The following MME variants were observed in gnomAD, a reference collection of about 807,000 sequenced individuals.
MME encodes the protein neprilysin.
In MME, 98 loss-of-function variants were observed where a neutral mutation model predicts 113.2. The observed-to-expected ratio is 0.87, with a 90% confidence interval of 0.74 to 1.02. The LOEUF is 1.02. MME is among the 50% of genes least tolerant of loss of function. The pLI, the probability that MME is intolerant of heterozygous loss-of-function variation, is 0.00. For missense variants in MME, 836 were observed against 896.0 expected (o/e 0.93, Z 0.86); for synonymous variants, 292 against 300.6 (o/e 0.97, Z 0.30).
intron 9 of MME, among the ~76,000 whole-genome samples, chr3:155,138,593 A>G (rs1720819459): frequency 6.6e-6 from 1 of 152,156 alleles, no homozygotes; most frequent in Non-Finnish European, 1.5e-5. Context: ...TATGTATAGA[A>G]TATTACTTTA....
intron 3 of MME, among the ~76,000 whole-genome samples, chr3:155,105,798 G>T (rs892643959): frequency 1.3e-5 from 2 of 152,198 alleles, no homozygotes; most frequent in Non-Finnish European, 2.9e-5. Context: ...CCATCATGAA[G>T]TTGGCACTTG....
At chr3:155,059,398 G>GT (rs1714061681) in intron 1 of MME, among the ~76,000 whole-genome samples, 1 of 151,202 alleles carries the variant, frequency 6.6e-6, no homozygotes, top group Non-Finnish European at 1.5e-5. Context: ...CAAGAACATT[G>GT]TAAGTGTTCT....
At chr3:155,174,415 C>A (rs1233457788) in intron 22 of MME, among the ~76,000 whole-genome samples, 1 of 143,442 alleles carries the variant, frequency 7.0e-6, no homozygotes, top group Non-Finnish European at 1.5e-5. Flanking sequence ...GAATGCCAAC[C>A]TTTTGTCAAG....
intron 1 of MME, among the ~76,000 whole-genome samples, chr3:155,054,240 G>A (rs538376103): frequency 6.6e-5 from 10 of 151,902 alleles, no homozygotes; most frequent in Middle Eastern, 3.4e-3. Context: ...TTCTTTAATC[G>A]TTTTTATTTT....
At chr3:155,094,122 TA>T (rs773405580) in intron 3 of MME, among the ~76,000 whole-genome samples, 2 of 152,226 alleles carry the variant, frequency 1.3e-5, no homozygotes, top group Non-Finnish European at 2.9e-5. Context: ...GAAGGGCTGT[TA>T]AATTATAAAC....
chr3:155,140,429 T>C (rs78160771), intron 10 of MME, 137 bp downstream of exon 10: 1 of 582,158 alleles, frequency 1.7e-6, no homozygotes, highest in South Asian at 1.8e-5. Context: ...TTTTTTTTTT[T>C]TTTTTGAGAC....
At chr3:155,063,834 G>A (rs973331710) in intron 1 of MME, among the ~76,000 whole-genome samples, 8 of 150,550 alleles carry the variant, frequency 5.3e-5, no homozygotes, top group African/African-American at 2.0e-4. Context: ...ATGGGAAAAA[G>A]CAAGCTGTTA....
intron 1 of MME, chr3:155,081,174 T>G (rs1715111013): frequency 6.6e-6 from 1 of 152,242 alleles, no homozygotes; most frequent in Non-Finnish European, 1.5e-5. Context: ...CAAACTGTAA[T>G]TGCATAGCAC....
chr3:155,171,186 G>A (rs1711902012), intron 20 of MME, among the ~76,000 whole-genome samples: 2 of 152,126 alleles, frequency 1.3e-5, no homozygotes, highest in African/African-American at 4.8e-5. Context: ...TTACAATTGT[G>A]CAAATATTTT....
At chr3:155,037,912 A>G (rs962306833) in intron 1 of MME, among the ~76,000 whole-genome samples, 2 of 152,126 alleles carry the variant, frequency 1.3e-5, no homozygotes, top group Admixed American at 1.3e-4. Flanking sequence ...CAATGAGTAT[A>G]CACCACTCTT....
At chr3:155,175,260 T>C (rs1173156352) in intron 22 of MME, among the ~76,000 whole-genome samples, 2 of 151,912 alleles carry the variant, frequency 1.3e-5, no homozygotes, top group African/African-American at 2.4e-5. Flanking sequence ...TGGGTTTTTA[T>C]TAGGGTTTTT....
chr3:155,122,296 A>T (rs1011979009), intron 8 of MME, among the ~76,000 whole-genome samples: 14 of 150,306 alleles, frequency 9.3e-5, no homozygotes, highest in African/African-American at 3.2e-4. Flanking sequence ...TGTCTATTTG[A>T]TTCTTCTCTC....
intron 16 of MME, among the ~76,000 whole-genome samples, chr3:155,150,458 C>T (rs947209505): frequency 1.3e-5 from 2 of 152,138 alleles, no homozygotes; most frequent in African/African-American, 2.4e-5. Flanking sequence ...TGGTCCTCCC[C>T]ATGAGCTTCT....
At chr3:155,080,051 C>G (rs1559903037), upstream of MME, 1 of 152,688 alleles carries the variant, frequency 6.5e-6, no homozygotes, top group Non-Finnish European at 1.5e-5. Flanking sequence ...AGGGCGCGAG[C>G]GCCCAGGGCG....
intron 3 of MME, among the ~76,000 whole-genome samples, chr3:155,097,822 G>A (rs1400677732): frequency 6.6e-6 from 1 of 152,154 alleles, no homozygotes; most frequent in East Asian, 1.9e-4. Context: ...ATGAAGACTG[G>A]AAAGTGTCCA....
chr3:155,033,621 A>G (rs543520486), intron 1 of MME, among the ~76,000 whole-genome samples: 60 of 152,304 alleles, frequency 3.9e-4, no homozygotes, highest in African/African-American at 1.4e-3. Flanking sequence ...CAATGTTAAA[A>G]GGCAACATTT....
At chr3:155,112,961 G>A (rs1718308502) in intron 3 of MME, among the ~76,000 whole-genome samples, 1 of 152,216 alleles carries the variant, frequency 6.6e-6, no homozygotes, top group Non-Finnish European at 1.5e-5. Context: ...TCACATTGAA[G>A]ACAGAGTGAG....
chr3:155,155,950 G>C (rs1170519679), intron 16 of MME, among the ~76,000 whole-genome samples: 1 of 152,208 alleles, frequency 6.6e-6, no homozygotes, highest in Non-Finnish European at 1.5e-5. Flanking sequence ...GAAAACAGTA[G>C]TAATTTTCCA....
chr3:155,148,533 T>C lies in MME; in HGVS notation c.1498-17T>C. 3.2e-6 allele frequency: 5 copies of C among 1,539,590 alleles called. No homozygotes were observed. Among genetic ancestry groups the C allele is most frequent in the Non-Finnish European group, 4.5e-6 (5 of 1,114,324 alleles). On this transcript the variant is annotated splice_polypyrimidine_tract_variant and intron_variant, in intron 15 of 22. Coordinates refer to ENST00000360490, the MANE Select transcript of MME (RefSeq NM_007289.4). Reference sequence around the variant, plus strand: ...ACCGGTTTTAATATTTCTTCCCAAATCTTCTTTATAATACAGTTGAACTAC... The same window carrying C: ...ACCGGTTTTAATATTTCTTCCCAAACCTTCTTTATAATACAGTTGAACTAC...
Sources: gnomAD v4.1 joint callset for allele counts (sites outside exome capture counted in the v4.1 genomes callset) on GRCh38, gnomAD v4.1.1 for gene constraint, MANE v1.5 for transcripts, NCBI Gene and HGNC (gene_info 2026-07-23, HGNC 2026-07-21) for gene names.